SNX29: variants seen among roughly 807,000 people sequenced by gnomAD.
SNX29 encodes the protein sorting nexin 29, also known as sorting nexin-29.
SNX29 carries 78 observed loss-of-function variants against 102.1 expected under a neutral mutation model. The ratio of observed to expected loss-of-function variants is 0.76; its 90% CI spans 0.64 to 0.92. SNX29 has a LOEUF of 0.92. SNX29 is among the 40% of genes least tolerant of loss of function. The pLI, the probability that SNX29 is intolerant of heterozygous loss-of-function variation, is 0.00. For synonymous variants in SNX29, 580 were observed against 414.5 expected (o/e 1.40, Z -4.85); for missense variants, 1,280 against 1,061.7 (o/e 1.21, Z -2.86).
At position 12,554,915 on chromosome 16, in the gene SNX29, G is replaced by C. The variant is rs1008016357; in HGVS notation, c.2319-13591G>C. Among the ~76,000 whole-genome samples the C allele has an allele frequency of 5.7e-4, 86 of 152,154 alleles. 1 individual carries two copies. The highest frequency in any genetic ancestry group is 2.0e-3 in the African/African-American group (82 of 41,468). ...ACAGGACAGGCAGTGCAGGGGAGAG[G>C]GGCTGAGGAGGGCAGCAAGCACGGC... On this transcript the variant is annotated intron_variant, in intron 20 of 20. Transcript: ENST00000566228.
At chr16:12,019,826 G>A (rs1398185984) in intron 3 of SNX29, among the ~76,000 whole-genome samples, 1 of 151,496 alleles carries the variant, frequency 6.6e-6, no homozygotes, top group African/African-American at 2.4e-5. Flanking sequence ...TAGTAGAAAC[G>A]GGATTTCACC....
intron 14 of SNX29, among the ~76,000 whole-genome samples, chr16:12,226,920 G>T (rs959608860): frequency 6.6e-6 from 1 of 152,118 alleles, no homozygotes; most frequent in African/African-American, 2.4e-5. Context: ...ACGTCTACTG[G>T]CTAGCTGATT....
intron 17 of SNX29, 75 bp downstream of exon 17, chr16:12,398,576 C>A: frequency 1.3e-6 from 2 of 1,520,960 alleles, no homozygotes; most frequent in Non-Finnish European, 1.8e-6. Context: ...CCCAGAAGAC[C>A]ACAGGGGGAA....
At chr16:12,380,073 C>G in intron 16 of SNX29, among the ~76,000 whole-genome samples, 1 of 151,248 alleles carries the variant, frequency 6.6e-6, no homozygotes, top group East Asian at 1.9e-4. Flanking sequence ...TTTCTGCTGC[C>G]AATGCCCTAA....
At chr16:12,552,210 C>G (rs757221638) in intron 20 of SNX29, among the ~76,000 whole-genome samples, 4 of 152,162 alleles carry the variant, frequency 2.6e-5, no homozygotes, top group Non-Finnish European at 5.9e-5. Context: ...AGGGGAGGGC[C>G]GTGGAGTCAG....
intron 16 of SNX29, among the ~76,000 whole-genome samples, chr16:12,358,284 C>T (rs995595774): frequency 6.6e-6 from 1 of 152,150 alleles, no homozygotes; most frequent in Admixed American, 6.5e-5. Flanking sequence ...CTGTTCCTGG[C>T]CCATAATTCC....
chr16:12,162,760 G>C (rs2055843987), intron 13 of SNX29, among the ~76,000 whole-genome samples: 1 of 152,202 alleles, frequency 6.6e-6, no homozygotes, highest in African/African-American at 2.4e-5. Context: ...TAGGAGGTGC[G>C]TAGTAACTGT....
chr16:12,347,162 T>C (rs1021930695), intron 15 of SNX29, among the ~76,000 whole-genome samples: 5 of 151,824 alleles, frequency 3.3e-5, no homozygotes, highest in Admixed American at 2.0e-4. Flanking sequence ...TGTGAAGTTA[T>C]CACCAGGGTT....
At chr16:12,430,237 C>T (rs536119898) in intron 18 of SNX29, among the ~76,000 whole-genome samples, 9 of 152,336 alleles carry the variant, frequency 5.9e-5, no homozygotes, top group African/African-American at 1.4e-4. Flanking sequence ...TTGTCTTCCA[C>T]GAAATTGGTC....
rs981697275 is a variant in SNX29, at chr16:12,569,045, G to T, written c.*416G>T. The T allele has an allele frequency of 4.5e-6, 1 of 224,246 alleles. No individual in the cohort carries two copies. The highest frequency in any genetic ancestry group is 6.5e-5 in the East Asian group (1 of 15,292). The allele number at this position is 224,246 out of a possible 1,614,324, so 13.9% of individuals were successfully genotyped here. A position where few individuals can be genotyped will look rare whatever the true frequency, so the allele number is the denominator to read the frequency against. ...AGCCTCTCCACTCTTTCCCACGTGGGGACTAGAATGACTATTAGCCTCTCC... is the reference window on the plus strand; with the variant it reads ...AGCCTCTCCACTCTTTCCCACGTGGTGACTAGAATGACTATTAGCCTCTCC... On this transcript the variant is annotated 3_prime_UTR_variant, in exon 21 of 21. Transcript: ENST00000566228.
chr16:12,112,096 T>G (rs2053524216), intron 11 of SNX29, among the ~76,000 whole-genome samples: 1 of 152,224 alleles, frequency 6.6e-6, no homozygotes, highest in Admixed American at 6.5e-5. Context: ...TGCTGAACTC[T>G]GGGAGCTCTT....
chr16:12,434,425 G>T (rs1410057347), intron 18 of SNX29, among the ~76,000 whole-genome samples: 2 of 152,132 alleles, frequency 1.3e-5, no homozygotes, highest in Non-Finnish European at 2.9e-5. Flanking sequence ...GGTGGGGTGG[G>T]AGGCAGCAGA....
chr16:12,539,914 T>C (rs1003790170), intron 20 of SNX29, among the ~76,000 whole-genome samples: 10 of 152,254 alleles, frequency 6.6e-5, no homozygotes, highest in African/African-American at 2.4e-4. Context: ...ATTTGAGTTT[T>C]GGGAGTTCTT....
At chr16:12,187,144 G>A (rs2076530935) in intron 13 of SNX29, among the ~76,000 whole-genome samples, 1 of 152,208 alleles carries the variant, frequency 6.6e-6, no homozygotes, top group South Asian at 2.1e-4. Flanking sequence ...CCTGGACAAT[G>A]GGCACACATT....
intron 19 of SNX29, among the ~76,000 whole-genome samples, chr16:12,483,167 C>T (rs918273667): frequency 8.6e-6 from 1 of 116,030 alleles, no homozygotes; most frequent in East Asian, 2.6e-4. Context: ...GCCATCATGC[C>T]TGGCTAATTT....
In SNX29 at chr16:12,155,672, G is replaced by A. The variant is rs186280158; in HGVS notation, c.1595+25914G>A. 2.6e-5 allele frequency among the ~76,000 whole-genome samples: 4 copies of A among 152,320 alleles called. No homozygotes were observed. The East Asian group carries it at 7.7e-4, about 29-fold the overall frequency. ...GCGTTTGAGTAGAGGGTGGTGGCAT[G>A]CCGAGATGGAAAATGAAAGGGGTAG... On this transcript the variant is annotated intron_variant, in intron 13 of 20. Transcript: ENST00000566228.
chr16:12,541,635 A>C (rs1482905661), intron 20 of SNX29, among the ~76,000 whole-genome samples: 2 of 152,058 alleles, frequency 1.3e-5, no homozygotes, highest in African/African-American at 4.8e-5. Context: ...GGTCCATCGC[A>C]TCTTCGTTCA....
At chr16:12,395,898 T>C (rs1308196273) in intron 16 of SNX29, among the ~76,000 whole-genome samples, 1 of 152,248 alleles carries the variant, frequency 6.6e-6, no homozygotes, top group Non-Finnish European at 1.5e-5. Context: ...AATTTGATGT[T>C]GAGTAAGCTC....
At chr16:12,302,714 G>A (rs1485861407) in intron 15 of SNX29, among the ~76,000 whole-genome samples, 1 of 152,222 alleles carries the variant, frequency 6.6e-6, no homozygotes, top group Admixed American at 6.5e-5. Context: ...CAAACATTCA[G>A]ACCATAGTTT....
Sources: allele counts gnomAD v4.1 joint callset (sites outside exome capture counted in the v4.1 genomes callset), GRCh38; gene constraint gnomAD v4.1.1; transcripts MANE v1.5; gene names NCBI Gene and HGNC (gene_info 2026-07-23, HGNC 2026-07-21).